Variants in POSTN observed in about 807,000 individuals in gnomAD.
The protein encoded by POSTN is osteoblast specific factor 2 (fasciclin I-like).
A neutral mutation model predicts 104.5 loss-of-function variants in POSTN; 71 were observed. The ratio of observed to expected loss-of-function variants is 0.68; its 90% CI spans 0.56 to 0.83. The LOEUF is 0.83. Ranked by LOEUF, POSTN falls within the 40% of genes least tolerant of loss-of-function variation. The pLI is 0.00. For missense variants in POSTN, 949 were observed against 1,006.8 expected (o/e 0.94, Z 0.78); for synonymous variants, 355 against 340.7 (o/e 1.04, Z -0.46).
intron 17 of POSTN, among the ~76,000 whole-genome samples, chr13:37,573,489 C>T (rs983981987): frequency 6.6e-6 from 1 of 150,826 alleles, no homozygotes; most frequent in Non-Finnish European, 1.5e-5. Flanking sequence ...AACTAATTAG[C>T]TAGGAAATAA....
intron 22 of POSTN, among the ~76,000 whole-genome samples, chr13:37,563,928 TG>T (rs1003506530): frequency 1.3e-5 from 2 of 151,862 alleles, no homozygotes; most frequent in Non-Finnish European, 2.9e-5. Context: ...GTAATGCACA[TG>T]TGATATATAC....
At chr13:37,578,798 CAAAA>C (rs60857655) in intron 15 of POSTN, 42 bp downstream of exon 15, 2,150 of 1,123,852 alleles carry the variant, frequency 1.9e-3, no homozygotes, top group East Asian at 5.9e-3. Context: ...GACTCCATCT[CAAAA>C]AAAAAAAAAA....
intron 21 of POSTN, 128 bp from the exon 22 acceptor site, chr13:37,564,688 T>C: frequency 2.0e-6 from 1 of 488,158 alleles, no homozygotes; most frequent in Non-Finnish European, 3.7e-6. Flanking sequence ...TTATTTTTAG[T>C]AGTTAAATTT....
chr13:37,579,842 G>A lies in POSTN; in HGVS notation c.1660+19C>T. The stretch of plus-strand genomic sequence containing the variant: ...TCCTGAAATGAAAGGGAAAATATCT[G>A]GAATTCACTTCCACTTACGTATCAG... On this transcript the variant is annotated intron_variant, in intron 12 of 22. Coordinates refer to ENST00000379747, the MANE Select transcript of POSTN (RefSeq NM_006475.3). 2 of 1,603,962 alleles carry A rather than the reference G, an allele frequency of 1.2e-6. No homozygotes were observed. The highest frequency in any genetic ancestry group is 1.7e-6 in the Non-Finnish European group (2 of 1,175,556).
At chr13:37,594,553 A>G (rs948967766) in intron 2 of POSTN, among the ~76,000 whole-genome samples, 3 of 152,204 alleles carry the variant, frequency 2.0e-5, no homozygotes, top group Non-Finnish European at 4.4e-5. Context: ...ACATAGCTCT[A>G]AACATGAGAA....
Position 37,579,299 on chromosome 13 carries a change from C to T in POSTN, c.1721G>A (p.Gly574Glu). The change falls in exon 13 of 23, where the codon GGA becomes GAA. Residue 574 changes from glycine (G) to glutamate (E), a missense_variant. Transcript: ENST00000379747. ...LYHLTPGVFIGKGFEPGVTNI... is the reference protein window; with the variant it reads ...LYHLTPGVFIEKGFEPGVTNI... ...AGTAACACCAGGTTCAAATCCTTTT[C>T]CAATGAAAACTCCTGGTGTCAGGTG... is the stretch of plus-strand genomic sequence containing the variant. The T allele has an allele frequency of 1.9e-6, 3 of 1,602,584 alleles. No homozygotes were observed. Among genetic ancestry groups the T allele is most frequent in the Non-Finnish European group, 2.6e-6 (3 of 1,169,656 alleles).
At chr13:37,585,106 A>G (rs965095941) in intron 7 of POSTN, among the ~76,000 whole-genome samples, 178 bp from the exon 8 acceptor site, 1 of 152,262 alleles carries the variant, frequency 6.6e-6, no homozygotes, top group Non-Finnish European at 1.5e-5. Context: ...CAACTATAAA[A>G]TAGAAACAGC....
chr13:37,571,397 A>T lies in POSTN; in HGVS notation c.2151T>A (p.Gly717=). The change falls in exon 18 of 23, where the codon GGT becomes GGA. Residue 717 remains glycine (G), a synonymous_variant. Coordinates refer to ENST00000379747, the MANE Select transcript of POSTN (RefSeq NM_006475.3). ...CATGGATCACTTCAGTTATTGTTTC[A>T]CCTTCTTTAATCAGTCTGAATTCAG... ...GEPEFRLIKE[G]ETITEVIHGE... 1 of 1,609,426 alleles carries T rather than the reference A, an allele frequency of 6.2e-7. No homozygotes were observed. Among genetic ancestry groups the T allele is most frequent in the South Asian group, 1.1e-5 (1 of 90,892 alleles).
chr13:37,580,631 T>A lies in POSTN; in HGVS notation c.1459A>T (p.Ile487Leu), dbSNP rs1196495940. Reference protein sequence around the residue: ...SKQGRNGAIHIFREIIKPAEK... With the variant: ...SKQGRNGAIHLFREIIKPAEK... ...GCTGGCTTGATGATCTCGCGGAATA[T>A]GTGAATCGCACCGTTTCTCCCTTGC... The change falls in exon 11 of 23, where the codon ATA (isoleucine) becomes TTA (leucine). Residue 487 changes from isoleucine (I) to leucine (L), a missense_variant. Physicochemically the swap from Ile to Leu is conservative, Grantham distance 5. Coordinates refer to ENST00000379747, the MANE Select transcript of POSTN (RefSeq NM_006475.3). 4 of 1,614,150 alleles carry A rather than the reference T, an allele frequency of 2.5e-6. No individual in the cohort carries two copies. The Admixed American group carries it at 6.7e-5, about 27-fold the overall frequency.
Position 37,598,591 on chromosome 13 carries a change from C to T in POSTN, c.119+17G>A. On this transcript the variant is annotated intron_variant, in intron 1 of 22. Coordinates refer to ENST00000379747, the MANE Select transcript of POSTN (RefSeq NM_006475.3). ...GGAAAAAGAAAAATGGTTTATAAAA[C>T]CAAACCACTCACTTACCCTTGGTCC... 1 of 1,599,006 alleles carries T rather than the reference C, an allele frequency of 6.3e-7. No homozygotes were observed. Among genetic ancestry groups the T allele is most frequent in the South Asian group, 1.1e-5 (1 of 88,870 alleles).
intron 10 of POSTN, 89 bp from the exon 11 acceptor site, chr13:37,580,786 G>A: frequency 1.3e-6 from 2 of 1,545,468 alleles, no homozygotes; most frequent in South Asian, 1.2e-5. Context: ...TTTCCGGATC[G>A]GCCCTTCTGA....
intron 9 of POSTN, among the ~76,000 whole-genome samples, chr13:37,583,553 T>G (rs1435321862): frequency 6.7e-6 from 1 of 149,456 alleles, no homozygotes; most frequent in Non-Finnish European, 1.5e-5. Context: ...GCCTCCCGAG[T>G]AGCTGGGATT....
chr13:37,584,030 T>C lies in POSTN; in HGVS notation c.1182A>G (p.Ala394=). Residue 394 remains alanine, a synonymous_variant, in exon 9 of 23, where the codon GCA becomes GCG. Coordinates refer to ENST00000379747, the MANE Select transcript of POSTN (RefSeq NM_006475.3). ...ATTCTCCATCTGGCCTCAGAGCAGA[T>C]GCCAAGCCTAATTGGGCCACAAGAT... is the stretch of plus-strand genomic sequence containing the variant. ...FTDLVAQLGL[A]SALRPDGEYT... is the part of the protein sequence containing the mutation. The C allele has an allele frequency of 6.2e-7, 1 of 1,613,990 alleles. No individual in the cohort carries two copies. Among genetic ancestry groups the C allele is most frequent in the Non-Finnish European group, 8.5e-7 (1 of 1,179,942 alleles).
chr13:37,566,731 A>G (rs546991353), intron 21 of POSTN, among the ~76,000 whole-genome samples: 2 of 152,286 alleles, frequency 1.3e-5, no homozygotes, highest in Admixed American at 1.3e-4. Flanking sequence ...ATAGTCTGTT[A>G]TTCTCCTTTA....
intron 2 of POSTN, among the ~76,000 whole-genome samples, chr13:37,596,311 G>A (rs535531157): frequency 1.3e-5 from 2 of 151,996 alleles, no homozygotes; most frequent in Non-Finnish European, 2.9e-5. Context: ...TTCTTGACTG[G>A]GGATGACACC....
intron 22 of POSTN, 43 bp downstream of exon 22, chr13:37,564,476 A>G: frequency 5.4e-6 from 6 of 1,120,120 alleles, no homozygotes; most frequent in Non-Finnish European, 7.7e-6. Flanking sequence ...TTCATGTAAC[A>G]AAAGAGGCCA....
At chr13:37,569,473 A>G (rs1950200943) in intron 20 of POSTN, 90 bp from the exon 21 acceptor site, 1 of 1,045,182 alleles carries the variant, frequency 9.6e-7, no homozygotes, top group Non-Finnish European at 1.5e-6. Flanking sequence ...CATCTGCCCA[A>G]TAATGAATTC....
intron 2 of POSTN, among the ~76,000 whole-genome samples, chr13:37,593,099 C>A (rs903675194): frequency 6.6e-6 from 1 of 151,016 alleles, no homozygotes; most frequent in African/African-American, 2.4e-5. Context: ...GTTTAGTATT[C>A]AAGAAAGTGG....
At chr13:37,576,814 T>C (rs1051781836) in intron 16 of POSTN, among the ~76,000 whole-genome samples, 4 of 152,088 alleles carry the variant, frequency 2.6e-5, no homozygotes, top group South Asian at 2.1e-4. Flanking sequence ...TATTGCATAA[T>C]TGAAATCAAC....
Sources: allele counts gnomAD v4.1 joint callset (sites outside exome capture counted in the v4.1 genomes callset), GRCh38; gene constraint gnomAD v4.1.1; transcripts MANE v1.5; gene names NCBI Gene and HGNC (gene_info 2026-07-23, HGNC 2026-07-21).